NBEA: variants seen among roughly 807,000 people sequenced by gnomAD.
NBEA encodes lysosomal-trafficking regulator 2.
NBEA carries 44 observed loss-of-function variants against 343.4 expected under a neutral mutation model. That is an observed-to-expected ratio of 0.13 (90% confidence interval 0.10 to 0.16). The LOEUF (loss-of-function observed/expected upper bound fraction) is 0.16, where lower values mean the gene tolerates loss of function less well. Ranked by LOEUF, NBEA falls within the 10% of genes least tolerant of loss-of-function variation. NBEA has a pLI of 1.00. For synonymous variants in NBEA, 1,175 were observed against 1,238.7 expected (o/e 0.95, Z 1.08); for missense variants, 2,555 against 3,631.3 (o/e 0.70, Z 7.62).
chr13:35,336,839 G>C (rs2152853531), intron 36 of NBEA, among the ~76,000 whole-genome samples: 1 of 152,132 alleles, frequency 6.6e-6, no homozygotes, highest in Non-Finnish European at 1.5e-5. Flanking sequence ...ATACTAGGAG[G>C]TAAATAGCAG....
intron 1 of NBEA, among the ~76,000 whole-genome samples, chr13:34,951,097 T>C (rs2059336784): frequency 6.6e-6 from 1 of 152,184 alleles, no homozygotes; most frequent in Non-Finnish European, 1.5e-5. Context: ...CCAATATGTA[T>C]CAAGGATTTT....
intron 1 of NBEA, among the ~76,000 whole-genome samples, chr13:35,031,742 G>A (rs377373881): frequency 1.7e-4 from 25 of 151,120 alleles, no homozygotes; most frequent in East Asian, 9.7e-4. Context: ...TTAATCACTC[G>A]GTTATGTATT....
At chr13:35,056,192 A>G (rs2063252377) in intron 7 of NBEA, 63 bp downstream of exon 7, 1 of 1,277,276 alleles carries the variant, frequency 7.8e-7, no homozygotes, top group African/African-American at 1.5e-5. Flanking sequence ...TCATTACAAT[A>G]TGAATTAAAT....
chr13:35,567,756 G>A (rs1313284882), intron 45 of NBEA, among the ~76,000 whole-genome samples: 2 of 152,216 alleles, frequency 1.3e-5, no homozygotes, highest in Admixed American at 1.3e-4. Context: ...GCAATCCACA[G>A]AAAGTTGAAA....
chr13:35,259,094 G>A (rs2032959167), intron 34 of NBEA, among the ~76,000 whole-genome samples: 1 of 152,152 alleles, frequency 6.6e-6, no homozygotes. Flanking sequence ...TCCTTTCCAT[G>A]CTAAGCACTT....
chr13:35,278,973 T>C (rs1316915240), intron 34 of NBEA, among the ~76,000 whole-genome samples: 1 of 152,218 alleles, frequency 6.6e-6, no homozygotes, highest in East Asian at 1.9e-4. Flanking sequence ...TCATGAAATA[T>C]TGCCTTTCTT....
intron 1 of NBEA, among the ~76,000 whole-genome samples, chr13:35,005,070 T>C (rs1409151572): frequency 6.6e-6 from 1 of 152,208 alleles, no homozygotes; most frequent in Non-Finnish European, 1.5e-5. Context: ...TACTGTTACA[T>C]GTGAAATGGT....
chr13:35,581,910 A>G (rs1311015956), intron 45 of NBEA, among the ~76,000 whole-genome samples: 2 of 151,666 alleles, frequency 1.3e-5, no homozygotes, highest in South Asian at 2.1e-4. Context: ...GAAAAGAAAA[A>G]AAAAGAAAAA....
At chr13:35,452,314 A>G (rs2046348794) in intron 40 of NBEA, 79 bp downstream of exon 40, 1 of 1,052,712 alleles carries the variant, frequency 9.5e-7, no homozygotes, top group African/African-American at 1.6e-5. Flanking sequence ...CTCCTAGTAA[A>G]TAAATGTGTG....
chr13:35,181,643 T>C (rs1481156525), intron 28 of NBEA, among the ~76,000 whole-genome samples: 1 of 151,960 alleles, frequency 6.6e-6, no homozygotes, highest in Non-Finnish European at 1.5e-5. Context: ...CTTTTTGCTA[T>C]GCAGAAGCTC....
Position 35,351,883 on chromosome 13 carries a change from A to G in NBEA, c.6013-274A>G, listed in dbSNP as rs2040219241. ...TTTATAGTAAATATTTGTGCTTCTAAAATACATGAAAATTAGATTCTCAGA... is the reference window on the plus strand; with the variant it reads ...TTTATAGTAAATATTTGTGCTTCTAGAATACATGAAAATTAGATTCTCAGA... On this transcript the variant is annotated intron_variant, in intron 37 of 58. Transcript: ENST00000379939. Among the ~76,000 whole-genome samples the G allele has an allele frequency of 2.0e-5, 3 of 152,156 alleles. No individual in the cohort carries two copies. The South Asian group carries it at 6.2e-4, about 32-fold the overall frequency.
intron 36 of NBEA, among the ~76,000 whole-genome samples, chr13:35,323,627 G>T (rs1221176676): frequency 6.6e-6 from 1 of 151,534 alleles, no homozygotes; most frequent in Non-Finnish European, 1.5e-5. Context: ...TGACGAGTTA[G>T]TGGGTGCAGC....
At chr13:35,657,458 A>G (rs934002210) in intron 55 of NBEA, among the ~76,000 whole-genome samples, 1 of 152,136 alleles carries the variant, frequency 6.6e-6, no homozygotes, top group Non-Finnish European at 1.5e-5. Flanking sequence ...CAGTAAGATA[A>G]TCTCCCTATT....
chr13:34,973,592 G>T (rs1488248756), intron 1 of NBEA, among the ~76,000 whole-genome samples: 1 of 152,156 alleles, frequency 6.6e-6, no homozygotes, highest in Non-Finnish European at 1.5e-5. Context: ...TGTGCTGGGG[G>T]ATTCCTTCTG....
chr13:35,391,701 T>A, intron 38 of NBEA, among the ~76,000 whole-genome samples: 1 of 152,200 alleles, frequency 6.6e-6, no homozygotes, highest in East Asian at 1.9e-4. Flanking sequence ...AACATAAAAG[T>A]AATTCAGAAG....
Position 35,628,302 on chromosome 13 carries a change from A to G in NBEA, c.7617+54A>G. On this transcript the variant is annotated intron_variant, in intron 49 of 58. Transcript: ENST00000379939. ...AAATTTCTGTCATCTCTCAAACACA[A>G]ATTTGACATTTCATCTCTTTCTGTA... 8 of 1,261,306 alleles carry G rather than the reference A, an allele frequency of 6.3e-6. No homozygotes were observed. In the South Asian group the frequency reaches 1.2e-4, roughly 20 times the overall value. The allele number at this position is 1,261,306 out of a possible 1,614,324, so 78.1% of individuals were successfully genotyped here. A position where few individuals can be genotyped will look rare whatever the true frequency, so the allele number is the denominator to read the frequency against.
At chr13:35,215,403 T>C (rs902089957) in intron 33 of NBEA, among the ~76,000 whole-genome samples, 3 of 151,736 alleles carry the variant, frequency 2.0e-5, no homozygotes, top group Non-Finnish European at 4.4e-5. Flanking sequence ...TTGATGATAT[T>C]ATATTAGATT....
intron 40 of NBEA, among the ~76,000 whole-genome samples, chr13:35,457,906 C>T (rs575257797): frequency 5.9e-4 from 89 of 152,110 alleles, no homozygotes; most frequent in South Asian, 2.3e-3. Flanking sequence ...CGCGCCCAGC[C>T]GCATGTAGTC....
At chr13:35,587,015 A>G (rs1005149796) in intron 46 of NBEA, among the ~76,000 whole-genome samples, 26 of 152,214 alleles carry the variant, frequency 1.7e-4, no homozygotes, top group African/African-American at 6.3e-4. Context: ...TCAGACAAGA[A>G]TACAAAAAAA....
Sources: gnomAD v4.1 joint callset for allele counts (sites outside exome capture counted in the v4.1 genomes callset) on GRCh38, gnomAD v4.1.1 for gene constraint, MANE v1.5 for transcripts, NCBI Gene and HGNC (gene_info 2026-07-23, HGNC 2026-07-21) for gene names.